The following BMAL1 variants were observed in gnomAD, a reference collection of about 807,000 sequenced individuals.
BMAL1 encodes basic helix-loop-helix ARNT like 1.
chr11:13,361,769 C>T, the BMAL1 span, among the ~76,000 whole-genome samples: 10 of 152,134 alleles, frequency 6.6e-5, no homozygotes, highest in Non-Finnish European at 1.5e-5. Flanking sequence ...GGTTCTTTGT[C>T]TTTGCACTCA....
the BMAL1 span, among the ~76,000 whole-genome samples, chr11:13,314,229 C>CCA: frequency 0.22 from 30,206 of 138,550 alleles, 3,235 homozygotes; most frequent in South Asian, 0.28. Context: ...AGGGTGGAGA[C>CCA]CACACACACA....
the BMAL1 span, among the ~76,000 whole-genome samples, chr11:13,341,032 T>C: frequency 6.6e-6 from 1 of 152,186 alleles, no homozygotes; most frequent in Non-Finnish European, 1.5e-5. Flanking sequence ...GGCCCCGCCC[T>C]GACCACCATC....
the BMAL1 span, chr11:13,381,147 CTCTTT>C: frequency 6.2e-7 from 1 of 1,613,312 alleles, no homozygotes; most frequent in Non-Finnish European, 8.5e-7. Context: ...CAGTGTAATT[CTCTTT>C]TCTGACAGGA....
At chr11:13,363,012 C>G in the BMAL1 span, among the ~76,000 whole-genome samples, 1 of 150,958 alleles carries the variant, frequency 6.6e-6, no homozygotes, top group Non-Finnish European at 1.5e-5. Context: ...TTCAACAAAC[C>G]CTTTTGTGTA....
At chr11:13,304,704 A>G in the BMAL1 span, among the ~76,000 whole-genome samples, 3 of 152,138 alleles carry the variant, frequency 2.0e-5, no homozygotes, top group Admixed American at 6.5e-5. Flanking sequence ...GCAGGGACTG[A>G]GTGTGCCCTC....
the BMAL1 span, among the ~76,000 whole-genome samples, chr11:13,280,833 C>T: frequency 6.6e-6 from 1 of 152,154 alleles, no homozygotes; most frequent in Admixed American, 6.5e-5. Flanking sequence ...TGTCTCTATC[C>T]CCATCGTCCC....
At chr11:13,352,825 G>A in the BMAL1 span, among the ~76,000 whole-genome samples, 2 of 152,200 alleles carry the variant, frequency 1.3e-5, no homozygotes, top group African/African-American at 2.4e-5. Flanking sequence ...GATGAGGGAA[G>A]TTGGGTCCAG....
chr11:13,297,584 G>A, the BMAL1 span, among the ~76,000 whole-genome samples: 1,071 of 152,240 alleles, frequency 7.0e-3, no homozygotes, highest in Middle Eastern at 0.02. Flanking sequence ...ATAGGCCTTC[G>A]CCCATTGCCC....
chr11:13,304,716 A>AG, the BMAL1 span, among the ~76,000 whole-genome samples: 7 of 152,132 alleles, frequency 4.6e-5, no homozygotes, highest in Non-Finnish European at 8.8e-5. Context: ...TGTGCCCTCT[A>AG]GGGGGGTGAG....
At chr11:13,338,693 A>C in the BMAL1 span, among the ~76,000 whole-genome samples, 2 of 152,236 alleles carry the variant, frequency 1.3e-5, no homozygotes, top group Non-Finnish European at 2.9e-5. Context: ...TCTGGGTTCC[A>C]GTCCCTGCTC....
the BMAL1 span, chr11:13,360,336 G>T: frequency 6.2e-7 from 1 of 1,603,826 alleles, no homozygotes; most frequent in Non-Finnish European, 8.5e-7. Context: ...TTCTCTTTTT[G>T]CCCCTAAGGT....
the BMAL1 span, chr11:13,356,714 G>A: frequency 6.2e-7 from 1 of 1,613,838 alleles, no homozygotes; most frequent in Non-Finnish European, 8.5e-7. Context: ...TTAACATGCA[G>A]TCACATTCTC....
chr11:13,362,000 G>A, the BMAL1 span, among the ~76,000 whole-genome samples: 4,239 of 152,326 alleles, frequency 0.028, 78 homozygotes, highest in South Asian at 0.051. Flanking sequence ...GCAGGGTGCA[G>A]AAACAAGTGT....
At chr11:13,378,590 A>C in the BMAL1 span, 3 of 1,098,394 alleles carry the variant, frequency 2.7e-6, no homozygotes, top group Admixed American at 7.5e-5. Context: ...CATCCTGTGG[A>C]TAGAGACCAG....
chr11:13,341,020 G>A, the BMAL1 span, among the ~76,000 whole-genome samples: 1 of 152,162 alleles, frequency 6.6e-6, no homozygotes, highest in African/African-American at 2.4e-5. Flanking sequence ...TGGAACCCAA[G>A]AGGCCCCGCC....
chr11:13,382,093 C>G, the BMAL1 span, among the ~76,000 whole-genome samples: 4 of 152,042 alleles, frequency 2.6e-5, no homozygotes, highest in African/African-American at 9.7e-5. Context: ...TTCAGGTTAC[C>G]AAGAGCTGTG....
At chr11:13,291,069 T>C in the BMAL1 span, among the ~76,000 whole-genome samples, 3 of 152,288 alleles carry the variant, frequency 2.0e-5, no homozygotes, top group African/African-American at 2.4e-5. Context: ...GTGGGTGAAT[T>C]TTAAAGACAA....
chr11:13,281,311 G>A, the BMAL1 span, among the ~76,000 whole-genome samples: 1 of 152,052 alleles, frequency 6.6e-6, no homozygotes, highest in South Asian at 2.1e-4. Flanking sequence ...TTGGTACCCT[G>A]GGTTCGTAAG....
At chr11:13,283,749 G>A in the BMAL1 span, among the ~76,000 whole-genome samples, 12 of 152,202 alleles carry the variant, frequency 7.9e-5, no homozygotes, top group African/African-American at 2.6e-4. Flanking sequence ...TAAGGGATGC[G>A]GACCTGGATG....
Sources: gnomAD v4.1 joint callset for allele counts (sites outside exome capture counted in the v4.1 genomes callset) on GRCh38, gnomAD v4.1.1 for gene constraint, MANE v1.5 for transcripts, NCBI Gene and HGNC (gene_info 2026-07-23, HGNC 2026-07-21) for gene names.